CDK12: variants seen among roughly 807,000 people sequenced by gnomAD.
The protein encoded by CDK12 is cyclin-dependent kinase 12.
In CDK12, 17 loss-of-function variants were observed where a neutral mutation model predicts 133.8. That is an observed-to-expected ratio of 0.13 (90% CI 0.09 to 0.19). The LOEUF is 0.19. Ranked by LOEUF, CDK12 falls within the 10% of genes least tolerant of loss-of-function variation. The pLI is 1.00. For synonymous variants in CDK12, 694 were observed against 683.6 expected (o/e 1.02, Z -0.24); for missense variants, 1,508 against 1,818.7 (o/e 0.83, Z 3.11).
At chr17:39,528,044 T>C (rs1411271082) in intron 13 of CDK12, among the ~76,000 whole-genome samples, 2 of 151,472 alleles carry the variant, frequency 1.3e-5, no homozygotes. Flanking sequence ...GCCTCCCAAG[T>C]AGCTGGGATT....
At chr17:39,509,630 T>G (rs1165352534) in intron 6 of CDK12, 75 bp from the exon 7 acceptor site, 1 of 925,482 alleles carries the variant, frequency 1.1e-6, no homozygotes, top group East Asian at 2.4e-5. Flanking sequence ...ACCCCTAACT[T>G]GGCGCATGAC....
intron 1 of CDK12, 58 bp from the exon 2 acceptor site, chr17:39,470,821 T>C: frequency 7.3e-7 from 1 of 1,360,828 alleles, no homozygotes; most frequent in Non-Finnish European, 1.0e-6. Context: ...TATTGATCTG[T>C]TTTCCTCCAT....
intron 2 of CDK12, among the ~76,000 whole-genome samples, chr17:39,472,117 G>C (rs985871803): frequency 1.3e-5 from 2 of 151,872 alleles, no homozygotes; most frequent in African/African-American, 4.8e-5. Context: ...CCCAGCAGCT[G>C]GGACTACAGG....
chr17:39,506,419 T>G (rs1215435048), intron 6 of CDK12, among the ~76,000 whole-genome samples: 1 of 152,112 alleles, frequency 6.6e-6, no homozygotes, highest in East Asian at 1.9e-4. Context: ...TTCACCATGT[T>G]GGCCAGGCTG....
rs2054207106 is a variant in CDK12 at position 39,522,053 on chromosome 17, T to C, written c.3095+1966T>C. Among the ~76,000 whole-genome samples the C allele has an allele frequency of 2.0e-5, 3 of 152,156 alleles. No individual in the cohort carries two copies. In the South Asian group the frequency reaches 6.2e-4, roughly 31 times the overall value. Reference sequence around the variant, plus strand: ...CTCCAGCTGTAATCATGCATGTCTCTGGTGACCATGTATATCTCACACTTG... The same window carrying C: ...CTCCAGCTGTAATCATGCATGTCTCCGGTGACCATGTATATCTCACACTTG... On this transcript the variant is annotated intron_variant, in intron 11 of 13. Coordinates refer to ENST00000447079, the MANE Select transcript of CDK12 (RefSeq NM_016507.4).
Position 39,532,102 on chromosome 17 carries a change from T to TTCTCTCTC in CDK12, c.*820_*827dup, listed in dbSNP as rs71843922. 3.7e-3 allele frequency: 813 copies of TTCTCTCTC among 218,484 alleles called. 20 individuals are homozygous for TTCTCTCTC. Among genetic ancestry groups the TTCTCTCTC allele is most frequent in the African/African-American group, 0.016 (622 of 38,422 alleles). The allele number at this position is 218,484 out of a possible 1,614,324, so 13.5% of individuals were successfully genotyped here. ...GCTGATGTGTGCTCTCTCTCTCTCTTTCTCTCTCTCTCTCTCTCTCTCTCT... is the reference window on the plus strand; with the variant it reads ...GCTGATGTGTGCTCTCTCTCTCTCTTTCTCTCTCTCTCTCTCTCTCTCTCTCTCTCTCT... On this transcript the variant is annotated 3_prime_UTR_variant, in exon 14 of 14. Transcript: ENST00000447079.
In CDK12 at chr17:39,516,102, C is replaced by T. The variant is rs112058587; in HGVS notation, c.2846+294C>T. Among the ~76,000 whole-genome samples, 53 of 152,224 alleles carry T rather than the reference C, an allele frequency of 3.5e-4. 1 individual carries two copies. The highest frequency in any genetic ancestry group is 3.4e-3 in the Middle Eastern group (1 of 294). On this transcript the variant is annotated intron_variant, in intron 9 of 13. Transcript: ENST00000447079. ...TAGCTCAGATGAGATTAAATTTATT[C>T]AGCAAACATTTATTGAGCCTGTTAT...
At chr17:39,554,838 A>G (rs2056089373) in intron 2 of CDK12, among the ~76,000 whole-genome samples, 1 of 145,986 alleles carries the variant, frequency 6.8e-6, no homozygotes, top group African/African-American at 2.6e-5. Flanking sequence ...CCGAGTTGAG[A>G]TCGCGCCACT....
At chr17:39,518,805 C>T (rs1390697672) in intron 10 of CDK12, among the ~76,000 whole-genome samples, 1 of 152,070 alleles carries the variant, frequency 6.6e-6, no homozygotes, top group East Asian at 1.9e-4. Flanking sequence ...GTGATCTGCC[C>T]ACCTCAGCCT....
chr17:39,463,355 G>T (rs558788400), intron 1 of CDK12, among the ~76,000 whole-genome samples: 1 of 152,326 alleles, frequency 6.6e-6, no homozygotes, highest in Non-Finnish European at 1.5e-5. Context: ...GTCTTCAGTT[G>T]TAAGCTTCTG....
At position 39,461,757 on chromosome 17, in the gene CDK12, C is replaced by T. The variant is rs747712642; in HGVS notation, c.-315C>T. On this transcript the variant is annotated 5_prime_UTR_variant, in exon 1 of 14. Transcript: ENST00000447079. ...GGCCGTCGGCTTCTCACTTCCTGGA[C>T]CTCCCCGGCGCCCGGGCCTGAGGAC... 3.5e-5 allele frequency: 14 copies of T among 397,810 alleles called. No homozygotes were observed. Among genetic ancestry groups the T allele is most frequent in the Non-Finnish European group, 6.0e-5 (13 of 217,940 alleles). The allele number at this position is 397,810 out of a possible 1,614,324, so 24.6% of individuals were successfully genotyped here.
At chr17:39,474,781 C>CT (rs893347738) in intron 2 of CDK12, among the ~76,000 whole-genome samples, 5,855 of 93,928 alleles carry the variant, frequency 0.062, 164 homozygotes, top group Non-Finnish European at 0.089. Context: ...ATGATGTTTC[C>CT]TTTTTTTTTT....
chr17:39,484,774 T>G (rs1333890554), intron 2 of CDK12, among the ~76,000 whole-genome samples: 2 of 152,094 alleles, frequency 1.3e-5, no homozygotes, highest in Admixed American at 1.3e-4. Flanking sequence ...GACATGATAC[T>G]CAAAGGAAAT....
At position 39,461,610 on chromosome 17, in the gene CDK12, T is replaced by G; in HGVS notation, c.-462T>G. 1 of 263,456 alleles carries G rather than the reference T, an allele frequency of 3.8e-6. No individual in the cohort carries two copies. Among genetic ancestry groups the G allele is most frequent in the Non-Finnish European group, 7.4e-6 (1 of 134,750 alleles). 16.3% of individuals were successfully genotyped at this position (263,456 alleles called of 1,614,324 possible). On this transcript the variant is annotated 5_prime_UTR_variant, in exon 1 of 14. Coordinates refer to ENST00000447079, the MANE Select transcript of CDK12 (RefSeq NM_016507.4). Reference sequence around the variant, plus strand: ...TCAGGAGCGAGGGACAAAGGGGGCGTGAGGCACCTAGGCCGCGGCACCCCG... The same window carrying G: ...TCAGGAGCGAGGGACAAAGGGGGCGGGAGGCACCTAGGCCGCGGCACCCCG...
chr17:39,466,787 T>C (rs2049358029), intron 1 of CDK12, among the ~76,000 whole-genome samples: 1 of 151,880 alleles, frequency 6.6e-6, no homozygotes, highest in Non-Finnish European at 1.5e-5. Context: ...ATGCACGCTT[T>C]TAGTTGGCTT....
downstream of CDK12, among the ~76,000 whole-genome samples, chr17:39,566,081 C>G (rs1056688285): frequency 6.6e-6 from 1 of 152,182 alleles, no homozygotes; most frequent in African/African-American, 2.4e-5. Flanking sequence ...GTTGCTTCAT[C>G]TATAGGCCAG....
intron 5 of CDK12, 108 bp downstream of exon 5, chr17:39,494,802 C>G: frequency 1.2e-6 from 1 of 816,356 alleles, no homozygotes; most frequent in Non-Finnish European, 1.8e-6. Context: ...CGGAGTCTTG[C>G]TCTGTTGCCC....
In CDK12 at chr17:39,531,897, G is replaced by A. The variant is rs2054863911; in HGVS notation, c.*581G>A. 4.3e-6 allele frequency: 1 copy of A among 233,676 alleles called. No individual in the cohort carries two copies. 14.5% of individuals were successfully genotyped at this position (233,676 alleles called of 1,614,324 possible). A position where few individuals can be genotyped will look rare whatever the true frequency, so the allele number is the denominator to read the frequency against. ...CCACCATCTCACATTTTGCTTTTAA[G>A]TGAACACTTTTTCCCCATTGAGCAT... On this transcript the variant is annotated 3_prime_UTR_variant, in exon 14 of 14. Transcript: ENST00000447079.
chr17:39,509,332 T>C (rs1342754820), intron 6 of CDK12, among the ~76,000 whole-genome samples: 1 of 152,228 alleles, frequency 6.6e-6, no homozygotes, highest in Non-Finnish European at 1.5e-5. Context: ...ATCATTTCTT[T>C]TTTTTCCCAA....
Sources: gnomAD v4.1 joint callset for allele counts (sites outside exome capture counted in the v4.1 genomes callset) on GRCh38, gnomAD v4.1.1 for gene constraint, MANE v1.5 for transcripts, NCBI Gene and HGNC (gene_info 2026-07-23, HGNC 2026-07-21) for gene names.